Variants in DLC1 observed in about 807,000 individuals in gnomAD.
DLC1 encodes the protein rho GTPase-activating protein 7.
A neutral mutation model predicts 140.3 loss-of-function variants in DLC1; 54 were observed. That is an observed-to-expected ratio of 0.38 (90% confidence interval 0.31 to 0.48). The LOEUF (loss-of-function observed/expected upper bound fraction) is 0.48. Among genes scored for constraint, DLC1 ranks in the 20% least tolerant of loss-of-function variants. The pLI, the probability that DLC1 is intolerant of heterozygous loss-of-function variation, is 0.96. For missense variants in DLC1, 2,536 were observed against 1,907.0 expected, an observed-to-expected ratio of 1.33 and a Z score of -6.14; for synonymous variants, 986 against 728.1, an observed-to-expected ratio of 1.35 and a Z score of -5.70.
intron 4 of DLC1, among the ~76,000 whole-genome samples, chr8:13,314,046 A>G (rs1055168801): frequency 1.3e-5 from 2 of 152,120 alleles, no homozygotes; most frequent in Admixed American, 1.3e-4. Flanking sequence ...CAGAAAATGT[A>G]GAACATTTAT....
intron 2 of DLC1, among the ~76,000 whole-genome samples, chr8:13,423,265 G>C (rs1445051298): frequency 6.6e-6 from 1 of 152,048 alleles, no homozygotes; most frequent in Admixed American, 6.5e-5. Flanking sequence ...AAATTATATT[G>C]AAAGTGGAAA....
upstream of DLC1, among the ~76,000 whole-genome samples, chr8:13,519,577 A>G (rs922397382): frequency 3.3e-5 from 5 of 152,192 alleles, no homozygotes; most frequent in African/African-American, 9.7e-5. Flanking sequence ...CTTGGTAACC[A>G]TATAGTATTT....
At position 13,500,133 on chromosome 8, in the gene DLC1, C is replaced by G. The variant is rs1801740804; in HGVS notation, c.-62G>C. 3 of 1,362,270 alleles carry G rather than the reference C, an allele frequency of 2.2e-6. No individual in the cohort carries two copies. Among genetic ancestry groups the G allele is most frequent in the Non-Finnish European group, 3.0e-6 (3 of 993,422 alleles). The allele number at this position is 1,362,270 out of a possible 1,614,324, so 84.4% of individuals were successfully genotyped here. On this transcript the variant is annotated 5_prime_UTR_variant, in exon 2 of 18. Coordinates refer to ENST00000276297, the MANE Select transcript of DLC1 (RefSeq NM_182643.3). ...CCATATGAGGGTAAAGGAGATGGAACTTGATGAAAGATTATTTCAAAATCA... is the reference window on the plus strand; with the variant it reads ...CCATATGAGGGTAAAGGAGATGGAAGTTGATGAAAGATTATTTCAAAATCA...
intron 1 of DLC1, among the ~76,000 whole-genome samples, chr8:13,532,024 T>G (rs978483466): frequency 1.3e-5 from 2 of 152,224 alleles, no homozygotes; most frequent in African/African-American, 4.8e-5. Context: ...GAAGCCTAAG[T>G]CTAGCTTATG....
At chr8:13,562,068 C>T (rs1804263713) in intron 1 of DLC1, among the ~76,000 whole-genome samples, 1 of 152,042 alleles carries the variant, frequency 6.6e-6, no homozygotes, top group Non-Finnish European at 1.5e-5. Context: ...GATTCTGCAC[C>T]TTGATTTTGG....
chr8:13,088,805 C>A, intron 15 of DLC1, 101 bp from the exon 16 acceptor site: 1 of 899,158 alleles, frequency 1.1e-6, no homozygotes, highest in South Asian at 1.6e-5. Context: ...TACATATAAT[C>A]AACGTTAATT....
At position 13,099,664 on chromosome 8, in the gene DLC1, T is replaced by A. The variant is rs998096728; in HGVS notation, c.2673A>T (p.Ser891=). Reference sequence around the variant, plus strand: ...CGTTCTCCAGATCCGCCAGGTCCCCTGAACTGGAGTAGAGGATGGAGCCCG... The same window carrying A: ...CGTTCTCCAGATCCGCCAGGTCCCCAGAACTGGAGTAGAGGATGGAGCCCG... The part of the protein sequence containing the change: ...NVPGSILYSS[S]GDLADLENED... Residue 891 remains serine, a synonymous_variant, in exon 9 of 18, where the codon TCA becomes TCT. Coordinates refer to ENST00000276297, the MANE Select transcript of DLC1 (RefSeq NM_182643.3). 6.2e-7 allele frequency: 1 copy of A among 1,614,182 alleles called. No individual in the cohort carries two copies. Among genetic ancestry groups the A allele is most frequent in the Non-Finnish European group, 8.5e-7 (1 of 1,180,024 alleles).
intron 4 of DLC1, among the ~76,000 whole-genome samples, chr8:13,332,461 C>T (rs1404966819): frequency 6.7e-5 from 10 of 149,730 alleles, no homozygotes; most frequent in East Asian, 3.9e-4. Flanking sequence ...GATGGGGTCT[C>T]GCTGTTTTGC....
intron 9 of DLC1, 45 bp from the exon 10 acceptor site, chr8:13,098,620 T>G: frequency 6.4e-7 from 1 of 1,558,788 alleles, no homozygotes. Context: ...GCCTTTTTAT[T>G]TGATTTTATT....
chr8:13,217,396 T>G (rs1240706332), intron 5 of DLC1, among the ~76,000 whole-genome samples: 1 of 152,180 alleles, frequency 6.6e-6, no homozygotes, highest in Non-Finnish European at 1.5e-5. Context: ...AGTTGTGCAT[T>G]TCCTCTTATA....
intron 2 of DLC1, among the ~76,000 whole-genome samples, chr8:13,429,417 G>A (rs766718204): frequency 6.7e-6 from 1 of 150,288 alleles, no homozygotes; most frequent in Non-Finnish European, 1.5e-5. Context: ...AATAAATTTG[G>A]GATAAAGTCT....
In DLC1 at chr8:13,344,606, C is replaced by T. The variant is rs189010924; in HGVS notation, c.1315-39304G>A. Among the ~76,000 whole-genome samples the T allele has an allele frequency of 1.4e-3, 212 of 152,306 alleles. No individual in the cohort carries two copies. The Middle Eastern group carries it at 0.027, about 20-fold the overall frequency. On this transcript the variant is annotated intron_variant, in intron 4 of 17. Coordinates refer to ENST00000276297, the MANE Select transcript of DLC1 (RefSeq NM_182643.3). Reference sequence around the variant, plus strand: ...CTTTTGGTGTTTTGCCACAAAGCAGCACCCGCAAATGAGTTCTCTAAAAAG... The same window carrying T: ...CTTTTGGTGTTTTGCCACAAAGCAGTACCCGCAAATGAGTTCTCTAAAAAG...
Position 13,285,991 on chromosome 8 carries a change from A to G in DLC1, c.1348+19278T>C, listed in dbSNP as rs143841323. Among the ~76,000 whole-genome samples the G allele has an allele frequency of 9.2e-5, 14 of 152,264 alleles. No homozygotes were observed. In the East Asian group the frequency reaches 2.5e-3, roughly 27 times the overall value. On this transcript the variant is annotated intron_variant, in intron 5 of 17. Coordinates refer to ENST00000276297, the MANE Select transcript of DLC1 (RefSeq NM_182643.3). Reference sequence around the variant, plus strand: ...GTGATGATGAAAAGCAAAGTGATAAACCGGGGAAATATTTGCACAATAAAT... The same window carrying G: ...GTGATGATGAAAAGCAAAGTGATAAGCCGGGGAAATATTTGCACAATAAAT...
intron 4 of DLC1, among the ~76,000 whole-genome samples, chr8:13,357,135 G>T (rs1345109580): frequency 5.3e-5 from 8 of 152,142 alleles, no homozygotes; most frequent in African/African-American, 1.9e-4. Context: ...GTGGGGCATG[G>T]TGATGTGTGC....
intron 4 of DLC1, among the ~76,000 whole-genome samples, chr8:13,346,181 G>A (rs572716153): frequency 2.6e-5 from 4 of 152,280 alleles, no homozygotes; most frequent in Admixed American, 1.3e-4. Flanking sequence ...CTTAACCTTG[G>A]TTAATATTAT....
intron 5 of DLC1, among the ~76,000 whole-genome samples, chr8:13,129,270 A>G (rs1020580810): frequency 3.9e-5 from 6 of 152,214 alleles, no homozygotes; most frequent in Admixed American, 6.5e-5. Flanking sequence ...CCATATGCAA[A>G]GGCCACAGAG....
At chr8:13,266,471 G>T (rs939039620) in intron 5 of DLC1, among the ~76,000 whole-genome samples, 1 of 152,152 alleles carries the variant, frequency 6.6e-6, no homozygotes, top group Non-Finnish European at 1.5e-5. Flanking sequence ...TGGGTTGGGC[G>T]TGGTGGTTCA....
At chr8:13,437,382 T>C (rs1839167129) in intron 2 of DLC1, among the ~76,000 whole-genome samples, 1 of 152,252 alleles carries the variant, frequency 6.6e-6, no homozygotes, top group Non-Finnish European at 1.5e-5. Context: ...TGGTGAACAC[T>C]GTAGTCAATT....
intron 5 of DLC1, among the ~76,000 whole-genome samples, chr8:13,249,494 T>A (rs1017141391): frequency 6.6e-6 from 1 of 152,186 alleles, no homozygotes; most frequent in African/African-American, 2.4e-5. Context: ...ACTGCCACCG[T>A]GATCCCATTT....
Sources: allele counts gnomAD v4.1 joint callset (sites outside exome capture counted in the v4.1 genomes callset), GRCh38; gene constraint gnomAD v4.1.1; transcripts MANE v1.5; gene names NCBI Gene and HGNC (gene_info 2026-07-23, HGNC 2026-07-21).